The following PRSS23 variants were observed in gnomAD, a reference collection of about 807,000 sequenced individuals.
PRSS23 encodes serine protease 23.
A neutral mutation model predicts 34.7 loss-of-function variants in PRSS23; 25 were observed. That is an observed-to-expected ratio of 0.72 (90% CI 0.53 to 1.01). The LOEUF (loss-of-function observed/expected upper bound fraction) is 1.01, where lower values mean the gene tolerates loss of function less well. Among genes scored for constraint, PRSS23 ranks in the 50% least tolerant of loss-of-function variants. PRSS23 has a pLI of 0.00. For synonymous variants in PRSS23, 176 were observed against 186.6 expected (o/e 0.94, Z 0.46); for missense variants, 445 against 475.6 (o/e 0.94, Z 0.60).
At chr11:86,804,752 A>G (rs1014697182) in intron 1 of PRSS23, among the ~76,000 whole-genome samples, 14 of 152,228 alleles carry the variant, frequency 9.2e-5, no homozygotes, top group Admixed American at 3.3e-4. Context: ...GTTTCTTGAG[A>G]CATAATCATT....
chr11:86,878,184 CTT>C (rs142156395), intron 2 of PRSS23, among the ~76,000 whole-genome samples: 77,832 of 147,190 alleles, frequency 0.53, 21,944 homozygotes, highest in African/African-American at 0.73. Flanking sequence ...TAAAAATACA[CTT>C]GAGAAAAAAA....
At chr11:86,861,256 A>C (rs1182141067) in intron 2 of PRSS23, among the ~76,000 whole-genome samples, 5 of 147,118 alleles carry the variant, frequency 3.4e-5, no homozygotes, top group South Asian at 2.2e-4. Flanking sequence ...TATTACTCTC[A>C]ATGTCGCGGG....
At chr11:86,833,771 T>C (rs1948380059) in intron 2 of PRSS23, among the ~76,000 whole-genome samples, 1 of 152,162 alleles carries the variant, frequency 6.6e-6, no homozygotes, top group Non-Finnish European at 1.5e-5. Context: ...TTAGGGATTC[T>C]TAGTTGGCCT....
intron 2 of PRSS23, among the ~76,000 whole-genome samples, chr11:86,913,705 C>A (rs1310926921): frequency 6.6e-6 from 1 of 151,554 alleles, no homozygotes; most frequent in East Asian, 1.9e-4. Flanking sequence ...TAAAAACAGT[C>A]TGAACTAAAA....
At chr11:86,830,192 A>G (rs911787205) in intron 2 of PRSS23, among the ~76,000 whole-genome samples, 9 of 152,248 alleles carry the variant, frequency 5.9e-5, no homozygotes, top group African/African-American at 2.2e-4. Context: ...AGCCCGGGCA[A>G]TGGTGGGCGC....
At chr11:86,943,899 C>T (rs1949223052) in intron 2 of PRSS23, among the ~76,000 whole-genome samples, 1 of 151,956 alleles carries the variant, frequency 6.6e-6, no homozygotes, top group East Asian at 2.0e-4. Flanking sequence ...GCGTGTCACA[C>T]CTGACTAGTT....
rs191486493 is a variant in PRSS23, at chr11:86,829,544, T to G, written c.206+5951T>G. On this transcript the variant is annotated intron_variant, in intron 2 of 2. Coordinates refer to the PRSS23 transcript ENST00000533902. The stretch of plus-strand genomic sequence containing the variant: ...CGTTGCTGGTGAGAAGCTGCGTTCC[T>G]TTGGAGGAGGAGAGGTGCTCTGCTT... Among the ~76,000 whole-genome samples, 348 of 152,362 alleles carry G rather than the reference T, an allele frequency of 2.3e-3. 4 individuals carry two copies. The highest frequency in any genetic ancestry group is 7.5e-3 in the African/African-American group (313 of 41,592).
chr11:86,847,043 A>G (rs1429048101), intron 2 of PRSS23, among the ~76,000 whole-genome samples: 1 of 152,200 alleles, frequency 6.6e-6, no homozygotes, highest in Non-Finnish European at 1.5e-5. Context: ...TGTTTCAACC[A>G]TTTAATAATT....
intron 1 of PRSS23, among the ~76,000 whole-genome samples, chr11:86,820,021 A>G (rs779617821): frequency 6.6e-6 from 1 of 152,218 alleles, no homozygotes; most frequent in South Asian, 2.1e-4. Flanking sequence ...AAAGTCCAAA[A>G]AATGTATAAC....
At chr11:86,839,086 T>G (rs1162520074) in intron 2 of PRSS23, among the ~76,000 whole-genome samples, 1 of 151,084 alleles carries the variant, frequency 6.6e-6, no homozygotes, top group African/African-American at 2.4e-5. Flanking sequence ...GCGCCTCTTC[T>G]CCTCCAAAGG....
chr11:86,808,879 C>A lies in PRSS23; in HGVS notation c.*84C>A. 1.8e-6 allele frequency: 2 copies of A among 1,121,930 alleles called. No individual in the cohort carries two copies. Among genetic ancestry groups the A allele is most frequent in the Non-Finnish European group, 2.6e-6 (2 of 773,166 alleles). The allele number at this position is 1,121,930 out of a possible 1,614,324, so 69.5% of individuals were successfully genotyped here. On this transcript the variant is annotated 3_prime_UTR_variant, in exon 2 of 2. Coordinates refer to ENST00000280258, the MANE Select transcript of PRSS23 (RefSeq NM_007173.6). ...CAAATTGTTTTTTGTCATTGGCGTGCACACGTGTGTGTGTGTGTGTGTGTG... is the reference window on the plus strand; with the variant it reads ...CAAATTGTTTTTTGTCATTGGCGTGAACACGTGTGTGTGTGTGTGTGTGTG...
At chr11:86,932,375 A>G (rs1949131757) in intron 2 of PRSS23, among the ~76,000 whole-genome samples, 1 of 152,226 alleles carries the variant, frequency 6.6e-6, no homozygotes, top group South Asian at 2.1e-4. Flanking sequence ...AAAAGGAAGC[A>G]GACTGTCAGT....
chr11:86,825,017 A>C (rs1390966860), intron 2 of PRSS23, among the ~76,000 whole-genome samples: 3 of 152,076 alleles, frequency 2.0e-5, no homozygotes, highest in Non-Finnish European at 4.4e-5. Flanking sequence ...GCTGGGTCAA[A>C]TGGTATTTCT....
intron 2 of PRSS23, among the ~76,000 whole-genome samples, chr11:86,849,303 C>G (rs1247539355): frequency 6.6e-6 from 1 of 152,224 alleles, no homozygotes; most frequent in African/African-American, 2.4e-5. Context: ...TTGCTCTCTT[C>G]ACATGCCTTT....
rs531098311 is a variant in PRSS23 at position 86,853,820 on chromosome 11, T to C, written c.206+30227T>C. ...ATACACTCCATACTATTTTCCCTGT[T>C]CCTGCACAATTTTACGTTCCCTCCA... On this transcript the variant is annotated intron_variant, in intron 2 of 2. Transcript: ENST00000533902. Among the ~76,000 whole-genome samples, 177 of 152,322 alleles carry C rather than the reference T, an allele frequency of 1.2e-3. 1 individual carries two copies. Among genetic ancestry groups the C allele is most frequent in the African/African-American group, 4.0e-3 (168 of 41,552 alleles).
At position 86,928,693 on chromosome 11, in the gene PRSS23, A is replaced by T. The variant is rs1380469123; in HGVS notation, c.207-22523A>T. ...CTGTCTCAAAAAAAAAAAAAAAAAAAAAAAAAAAAAAAATTGGCAAGACAT... is the reference window on the plus strand; with the variant it reads ...CTGTCTCAAAAAAAAAAAAAAAAAATAAAAAAAAAAAAATTGGCAAGACAT... On this transcript the variant is annotated intron_variant, in intron 2 of 2. Coordinates refer to the PRSS23 transcript ENST00000533902. Among the ~76,000 whole-genome samples the T allele has an allele frequency of 2.6e-3, 80 of 30,992 alleles. 1 individual carries two copies. The highest frequency in any genetic ancestry group is 4.0e-3 in the Non-Finnish European group (46 of 11,454). The allele number at this position is 30,992 out of a possible 152,430, so 20.3% of individuals were successfully genotyped here.
At chr11:86,948,374 C>T (rs1949261736) in intron 2 of PRSS23, 1 of 151,866 alleles carries the variant, frequency 6.6e-6, no homozygotes, top group African/African-American at 2.4e-5. Flanking sequence ...ACAGTCGGCA[C>T]TCAATAAATA....
chr11:86,932,539 T>G (rs201094676), intron 2 of PRSS23, among the ~76,000 whole-genome samples: 1 of 151,924 alleles, frequency 6.6e-6, no homozygotes, highest in East Asian at 1.9e-4. Flanking sequence ...TGTGTGGAAA[T>G]CAGGCAAAAG....
exon 3 of PRSS23, chr11:86,951,728 T>C: frequency 6.2e-7 from 1 of 1,614,164 alleles, no homozygotes; most frequent in Non-Finnish European, 8.5e-7. Flanking sequence ...ATAAGAGCTG[T>C]GCATTTCAAT....
Sources: allele counts gnomAD v4.1 joint callset (sites outside exome capture counted in the v4.1 genomes callset), GRCh38; gene constraint gnomAD v4.1.1; transcripts MANE v1.5; gene names NCBI Gene and HGNC (gene_info 2026-07-23, HGNC 2026-07-21).